The following CACNA2D1 variants were observed in gnomAD, a reference collection of about 807,000 sequenced individuals.
CACNA2D1 encodes the protein voltage-dependent calcium channel subunit alpha-2/delta-1.
In CACNA2D1, 53 loss-of-function variants were observed where a neutral mutation model predicts 171.5. That is an observed-to-expected ratio of 0.31 (90% confidence interval 0.25 to 0.39). The LOEUF (loss-of-function observed/expected upper bound fraction) is 0.39, where lower values mean the gene tolerates loss of function less well. CACNA2D1 is among the 10% of genes least tolerant of loss of function. The pLI, the probability that CACNA2D1 is intolerant of heterozygous loss-of-function variation, is 1.00. For synonymous variants in CACNA2D1, 442 were observed against 443.1 expected (o/e 1.00, Z 0.03); for missense variants, 903 against 1,299.8 (o/e 0.69, Z 4.69).
chr7:81,992,128 C>T (rs1797613057), intron 20 of CACNA2D1, among the ~76,000 whole-genome samples: 1 of 151,664 alleles, frequency 6.6e-6, no homozygotes, highest in Admixed American at 6.6e-5. Flanking sequence ...CAGGAGTGAG[C>T]CACCGCTCTC....
intron 7 of CACNA2D1, among the ~76,000 whole-genome samples, chr7:82,081,265 A>G (rs1018075365): frequency 5.9e-5 from 9 of 152,204 alleles, no homozygotes; most frequent in African/African-American, 2.2e-4. Context: ...TATCAAAATG[A>G]TATGATCAGA....
At chr7:82,173,984 A>G (rs1175879762) in intron 3 of CACNA2D1, among the ~76,000 whole-genome samples, 2 of 145,264 alleles carry the variant, frequency 1.4e-5, no homozygotes, top group East Asian at 4.4e-4. Context: ...TCAAAGTTAC[A>G]GTGATCTATG....
At chr7:82,176,007 A>G (rs1372717032) in intron 3 of CACNA2D1, among the ~76,000 whole-genome samples, 2 of 152,016 alleles carry the variant, frequency 1.3e-5, no homozygotes, top group Non-Finnish European at 2.9e-5. Context: ...CTATAAAACC[A>G]TAGGGTAACC....
chr7:82,247,547 C>T (rs1428970216), intron 3 of CACNA2D1, among the ~76,000 whole-genome samples: 1 of 151,946 alleles, frequency 6.6e-6, no homozygotes, highest in African/African-American at 2.4e-5. Context: ...AGGCCCAATC[C>T]TTCTCACAAG....
intron 3 of CACNA2D1, among the ~76,000 whole-genome samples, chr7:82,221,468 G>A (rs2129250597): frequency 6.6e-6 from 1 of 152,222 alleles, no homozygotes; most frequent in East Asian, 1.9e-4. Context: ...ACCTCAGCCG[G>A]GGGCGGTGGC....
intron 10 of CACNA2D1, among the ~76,000 whole-genome samples, chr7:82,047,725 CAAAG>C (rs909383968): frequency 2.6e-5 from 4 of 151,900 alleles, no homozygotes; most frequent in African/African-American, 9.7e-5. Flanking sequence ...TCTCTATACT[CAAAG>C]AAGCGTACAT....
intron 1 of CACNA2D1, among the ~76,000 whole-genome samples, chr7:82,393,916 T>C (rs779130516): frequency 2.0e-5 from 3 of 152,182 alleles, no homozygotes; most frequent in Non-Finnish European, 2.9e-5. Context: ...AGTGAGAAAC[T>C]AGCAGCAACA....
intron 3 of CACNA2D1, among the ~76,000 whole-genome samples, chr7:82,221,429 TTGAGCTA>T (rs1801748510): frequency 6.6e-6 from 1 of 152,120 alleles, no homozygotes; most frequent in African/African-American, 2.4e-5. Context: ...CTAATTCCGA[TTGAGCTA>T]TGACCTGGCT....
rs764990586 is a variant in CACNA2D1, at chr7:82,146,983, C to CAAAAA, written c.355-10312_355-10308dup. ...CTGGGTGATAGCAAGACTCCCATCTCAAAAAAAAAAAAAAAAAAAAAAAAA... is the reference window on the plus strand; with the variant it reads ...CTGGGTGATAGCAAGACTCCCATCTCAAAAAAAAAAAAAAAAAAAAAAAAAAAAAA... On this transcript the variant is annotated intron_variant, in intron 4 of 38. Transcript: ENST00000356860. Among the ~76,000 whole-genome samples, 84 of 25,510 alleles carry CAAAAA rather than the reference C, an allele frequency of 3.3e-3. 3 individuals carry two copies. The highest frequency in any genetic ancestry group is 3.9e-3 in the Non-Finnish European group (65 of 16,520). The allele number at this position is 25,510 out of a possible 152,430, so 16.7% of individuals were successfully genotyped here. A position where few individuals can be genotyped will look rare whatever the true frequency, so the allele number is the denominator to read the frequency against.
chr7:82,125,619 C>T (rs1790244891), intron 5 of CACNA2D1, among the ~76,000 whole-genome samples: 1 of 151,830 alleles, frequency 6.6e-6, no homozygotes, highest in African/African-American at 2.4e-5. Flanking sequence ...GGCAAGTGCC[C>T]GTAGTGCCAG....
At chr7:82,387,101 T>G (rs1019801006) in intron 1 of CACNA2D1, among the ~76,000 whole-genome samples, 1 of 152,114 alleles carries the variant, frequency 6.6e-6, no homozygotes, top group East Asian at 1.9e-4. Flanking sequence ...TGAGAACAAT[T>G]AGGTCATTTC....
At chr7:82,106,632 A>G (rs1787797168) in intron 6 of CACNA2D1, among the ~76,000 whole-genome samples, 1 of 152,116 alleles carries the variant, frequency 6.6e-6, no homozygotes, top group Non-Finnish European at 1.5e-5. Context: ...TTATTCCATA[A>G]TAGACTAAAA....
chr7:82,290,688 C>T (rs961063617), intron 3 of CACNA2D1, among the ~76,000 whole-genome samples: 1 of 151,454 alleles, frequency 6.6e-6, no homozygotes, highest in Non-Finnish European at 1.5e-5. Context: ...CCTCTGCCTC[C>T]TAGGTTTAAG....
At chr7:82,060,200 ATT>A (rs1491205485) in intron 10 of CACNA2D1, among the ~76,000 whole-genome samples, 3 of 9,262 alleles carry the variant, frequency 3.2e-4, no homozygotes, top group African/African-American at 5.0e-4. Flanking sequence ...TTATATATAT[ATT>A]ATATATATAA....
intron 10 of CACNA2D1, among the ~76,000 whole-genome samples, chr7:82,047,623 T>C: frequency 6.6e-6 from 1 of 152,136 alleles, no homozygotes; most frequent in African/African-American, 2.4e-5. Context: ...TTCAGCACTG[T>C]TCTGATTGAC....
intron 3 of CACNA2D1, among the ~76,000 whole-genome samples, chr7:82,297,682 T>G (rs1812470712): frequency 6.6e-6 from 1 of 152,322 alleles, no homozygotes; most frequent in Admixed American, 6.5e-5. Flanking sequence ...GTAGTTGTAG[T>G]CTTTACCAAT....
At chr7:82,141,321 T>A (rs566023239) in intron 4 of CACNA2D1, among the ~76,000 whole-genome samples, 1 of 152,050 alleles carries the variant, frequency 6.6e-6, no homozygotes, top group South Asian at 2.1e-4. Context: ...TTTATAGATA[T>A]GAGTTTTACT....
Position 81,959,991 on chromosome 7 carries a change from T to A in CACNA2D1, c.2967-162A>T, listed in dbSNP as rs549080071. On this transcript the variant is annotated intron_variant, in intron 36 of 38. Transcript: ENST00000356860. ...GTATGATTTTAGAAGAAAAAAATGC[T>A]TCATTTATTAGCATGAACGTATTAC... Among the ~76,000 whole-genome samples the A allele has an allele frequency of 5.3e-5, 8 of 152,174 alleles. No individual in the cohort carries two copies. In the East Asian group the frequency reaches 1.5e-3, roughly 29 times the overall value.
intron 24 of CACNA2D1, among the ~76,000 whole-genome samples, chr7:81,978,753 G>GTGTGTGTGTATATA (rs145105210): frequency 1.1e-3 from 160 of 139,470 alleles, no homozygotes; most frequent in African/African-American, 4.0e-3. Context: ...TTTAAAAAGT[G>GTGTGTGTGTATATA]TATATATATA....
Sources: allele counts gnomAD v4.1 joint callset (sites outside exome capture counted in the v4.1 genomes callset), GRCh38; gene constraint gnomAD v4.1.1; transcripts MANE v1.5; gene names NCBI Gene and HGNC (gene_info 2026-07-23, HGNC 2026-07-21).